Variants in GDA observed in about 807,000 individuals in gnomAD.
The protein encoded by GDA is cytoplasmic PSD-95 interactor.
A neutral mutation model predicts 59.6 loss-of-function variants in GDA; 18 were observed. The observed-to-expected ratio is 0.30, with a 90% CI of 0.21 to 0.45. GDA has a LOEUF of 0.45. Among genes scored for constraint, GDA ranks in the 20% least tolerant of loss-of-function variants. The pLI, the probability that GDA is intolerant of heterozygous loss-of-function variation, is 1.00. For missense variants in GDA, 427 were observed against 552.3 expected (o/e 0.77, Z 2.27); for synonymous variants, 201 against 201.1 (o/e 1.00, Z 0.00).
intron 10 of GDA, among the ~76,000 whole-genome samples, chr9:72,237,084 A>G (rs1033233247): frequency 6.6e-6 from 1 of 151,030 alleles, no homozygotes; most frequent in Non-Finnish European, 1.5e-5. Flanking sequence ...CTGGCACAAA[A>G]CCCCTTCTTA....
chr9:72,163,138 G>A (rs1828861478), intron 1 of GDA, among the ~76,000 whole-genome samples: 1 of 152,116 alleles, frequency 6.6e-6, no homozygotes, highest in South Asian at 2.1e-4. Flanking sequence ...ATGAGAAGGA[G>A]GTAAATCAAT....
At chr9:72,239,514 A>C (rs1839377492) in intron 10 of GDA, among the ~76,000 whole-genome samples, 2 of 152,028 alleles carry the variant, frequency 1.3e-5, no homozygotes, top group African/African-American at 2.4e-5. Context: ...TCATTTCTCT[A>C]TGTTTACTTC....
At chr9:72,259,794 A>G (rs1840920281), downstream of GDA, among the ~76,000 whole-genome samples, 1 of 152,222 alleles carries the variant, frequency 6.6e-6, no homozygotes, top group Non-Finnish European at 1.5e-5. Context: ...TAGACTGATT[A>G]TACTAGTTGA....
rs1266896882 is a variant in GDA at position 72,174,757 on chromosome 9, T to TAG, written c.124-20742_124-20741insGA. Reference sequence around the variant, plus strand: ...GAACTGTTGAGGTTATATATATATATATATAGAGAGAGAGAGAGAGAGACA... The same window carrying TAG: ...GAACTGTTGAGGTTATATATATATATAGATATAGAGAGAGAGAGAGAGAGACA... On this transcript the variant is annotated intron_variant, in intron 1 of 13. Transcript: ENST00000358399. Among the ~76,000 whole-genome samples, 873 of 150,626 alleles carry TAG rather than the reference T, an allele frequency of 5.8e-3. 8 individuals carry two copies. Among genetic ancestry groups the TAG allele is most frequent in the African/African-American group, 0.019 (758 of 40,594 alleles).
intron 1 of GDA, among the ~76,000 whole-genome samples, chr9:72,177,011 A>G (rs557675389): frequency 6.6e-6 from 1 of 152,112 alleles, no homozygotes; most frequent in Admixed American, 6.5e-5. Flanking sequence ...TGGAGGACTG[A>G]AAAATGACTG....
chr9:72,168,788 TTATCTC>T (rs1206618952), intron 1 of GDA, among the ~76,000 whole-genome samples: 2 of 152,218 alleles, frequency 1.3e-5, no homozygotes, highest in African/African-American at 4.8e-5. Context: ...TAACTATTCT[TTATCTC>T]TATTTTTCAG....
intron 13 of GDA, among the ~76,000 whole-genome samples, chr9:72,247,746 G>A (rs1331685656): frequency 6.6e-6 from 1 of 152,106 alleles, no homozygotes; most frequent in Non-Finnish European, 1.5e-5. Flanking sequence ...GCCCTGCCAT[G>A]TTTTTGTGAC....
intron 1 of GDA, among the ~76,000 whole-genome samples, chr9:72,195,229 T>C (rs1833012174): frequency 6.6e-6 from 1 of 152,096 alleles, no homozygotes; most frequent in Admixed American, 6.5e-5. Context: ...CCATTTTTAA[T>C]ACCTTGTATC....
At chr9:72,135,756 A>AC (rs370319200) in intron 1 of GDA, among the ~76,000 whole-genome samples, 3 of 151,618 alleles carry the variant, frequency 2.0e-5, no homozygotes, top group Non-Finnish European at 2.9e-5. Flanking sequence ...GATTATAGGC[A>AC]CCCCCCACTA....
At chr9:72,179,346 C>T (rs1288566548) in intron 1 of GDA, among the ~76,000 whole-genome samples, 1 of 152,160 alleles carries the variant, frequency 6.6e-6, no homozygotes, top group Non-Finnish European at 1.5e-5. Flanking sequence ...GAGTGTTTGG[C>T]ATATCTCTAT....
At chr9:72,116,565 T>A (rs1825456781) in intron 1 of GDA, among the ~76,000 whole-genome samples, 1 of 151,938 alleles carries the variant, frequency 6.6e-6, no homozygotes, top group Non-Finnish European at 1.5e-5. Flanking sequence ...GTATTTTTAG[T>A]AGAGACGGAG....
At chr9:72,125,568 G>A (rs1363254497) in intron 1 of GDA, among the ~76,000 whole-genome samples, 1 of 152,024 alleles carries the variant, frequency 6.6e-6, no homozygotes, top group Non-Finnish European at 1.5e-5. Flanking sequence ...ATAAAATCAT[G>A]TACTTAGAAT....
intron 12 of GDA, among the ~76,000 whole-genome samples, chr9:72,245,650 T>A (rs1055828802): frequency 2.0e-5 from 3 of 152,154 alleles, no homozygotes; most frequent in African/African-American, 7.2e-5. Flanking sequence ...AATATTGCCA[T>A]GTTAATTTAT....
intron 3 of GDA, among the ~76,000 whole-genome samples, chr9:72,207,018 A>G (rs776023132): frequency 5.9e-5 from 9 of 152,164 alleles, no homozygotes; most frequent in South Asian, 2.1e-4. Flanking sequence ...TCAGCATCCA[A>G]TGTGCTGACA....
Position 72,250,195 on chromosome 9 carries a change from T to C in GDA, c.*1853T>C. On this transcript the variant is annotated 3_prime_UTR_variant, in exon 14 of 14. Transcript: ENST00000358399. ...CTGCCAAAGGAACTTGATTACATGG[T>C]GTCTAACCAAATGAGCAGGCTTAGG... 1.0e-6 allele frequency: 1 copy of C among 984,890 alleles called. No individual in the cohort carries two copies. The highest frequency in any genetic ancestry group is 1.2e-6 in the Non-Finnish European group (1 of 829,386). 61.0% of individuals were successfully genotyped at this position (984,890 alleles called of 1,614,324 possible). A position where few individuals can be genotyped will look rare whatever the true frequency, so the allele number is the denominator to read the frequency against.
At chr9:72,173,319 G>C (rs1282585589) in intron 1 of GDA, among the ~76,000 whole-genome samples, 1 of 151,254 alleles carries the variant, frequency 6.6e-6, no homozygotes, top group Non-Finnish European at 1.5e-5. Context: ...GTGAAATACT[G>C]CTCTGACTTC....
At chr9:72,255,180 G>C (rs564144946), downstream of GDA, among the ~76,000 whole-genome samples, 2 of 152,294 alleles carry the variant, frequency 1.3e-5, no homozygotes, top group East Asian at 3.9e-4. Flanking sequence ...CTTGGCAGCT[G>C]TATTTATACT....
chr9:72,191,752 A>AT (rs923940918), intron 1 of GDA, among the ~76,000 whole-genome samples: 27 of 152,088 alleles, frequency 1.8e-4, no homozygotes, highest in African/African-American at 5.1e-4. Context: ...CACCCAGCTG[A>AT]TTTTTTGTAT....
rs955799994 is a variant in GDA at position 72,205,585 on chromosome 9, G to A, written c.384+2843G>A. On this transcript the variant is annotated intron_variant, in intron 3 of 13. Transcript: ENST00000358399. The stretch of plus-strand genomic sequence containing the variant: ...ATTTAAGACAGAAAATGGAAGTGAG[G>A]TATAGCAACAGCTTGATTGTTACAG... Among the ~76,000 whole-genome samples the A allele has an allele frequency of 3.3e-5, 5 of 152,292 alleles. No individual in the cohort carries two copies. In the South Asian group the frequency reaches 1.0e-3, roughly 32 times the overall value.
Sources: allele counts gnomAD v4.1 joint callset (sites outside exome capture counted in the v4.1 genomes callset), GRCh38; gene constraint gnomAD v4.1.1; transcripts MANE v1.5; gene names NCBI Gene and HGNC (gene_info 2026-07-23, HGNC 2026-07-21).